Variants in IGFL2 observed in about 807,000 individuals in gnomAD.
The protein encoded by IGFL2 is IGF like family member 2.
In IGFL2, 7 loss-of-function variants were observed where a neutral mutation model predicts 13.9. That is an observed-to-expected ratio of 0.51 (90% confidence interval 0.29 to 0.95). The LOEUF is 0.95. Ranked by LOEUF, IGFL2 falls within the 40% of genes least tolerant of loss-of-function variation. IGFL2 has a pLI of 0.08. For synonymous variants in IGFL2, 55 were observed against 55.8 expected (o/e 0.99, Z 0.07); for missense variants, 138 against 147.8 (o/e 0.93, Z 0.34).
At chr19:46,113,329 A>T in the IGFL2 span, 3 of 302,512 alleles carry the variant, frequency 9.9e-6, no homozygotes, top group Non-Finnish European at 1.3e-5. Flanking sequence ...CATAGCCTGA[A>T]GTCAGACTGT....
downstream of IGFL2, among the ~76,000 whole-genome samples, chr19:46,165,232 C>G (rs556470330): frequency 1.3e-5 from 2 of 152,332 alleles, no homozygotes; most frequent in South Asian, 2.1e-4. Context: ...GAGGTTAGGG[C>G]GCAGCCTGTG....
the IGFL2 span, among the ~76,000 whole-genome samples, chr19:46,172,161 A>G: frequency 1.3e-5 from 2 of 152,194 alleles, no homozygotes; most frequent in Non-Finnish European, 2.9e-5. Context: ...CTGAATGGTT[A>G]TATAGTCTAA....
chr19:46,104,606 T>A, the IGFL2 span, among the ~76,000 whole-genome samples: 1 of 152,190 alleles, frequency 6.6e-6, no homozygotes, highest in Admixed American at 6.5e-5. Flanking sequence ...AGAGGTATTT[T>A]AGTTGCCTGA....
At chr19:46,124,915 T>C in the IGFL2 span, among the ~76,000 whole-genome samples, 1 of 150,666 alleles carries the variant, frequency 6.6e-6, no homozygotes, top group Non-Finnish European at 1.5e-5. Flanking sequence ...ATTCTCCATA[T>C]ACTATTGCAG....
At chr19:46,097,626 C>G in the IGFL2 span, among the ~76,000 whole-genome samples, 1 of 152,168 alleles carries the variant, frequency 6.6e-6, no homozygotes, top group Admixed American at 6.5e-5. Context: ...AGCTTTCTAG[C>G]TTTCTGATGT....
the IGFL2 span, among the ~76,000 whole-genome samples, chr19:46,115,231 TC>T: frequency 6.6e-6 from 1 of 152,124 alleles, no homozygotes; most frequent in African/African-American, 2.4e-5. Flanking sequence ...CTCATGACAT[TC>T]CCCACACTCA....
At chr19:46,131,634 T>C in the IGFL2 span, among the ~76,000 whole-genome samples, 5 of 152,292 alleles carry the variant, frequency 3.3e-5, no homozygotes, top group East Asian at 9.6e-4. Flanking sequence ...TATGACTGAT[T>C]TTCAGTGTGA....
upstream of IGFL2, chr19:46,148,045 G>A (rs1568423128): frequency 4.2e-6 from 2 of 477,800 alleles, no homozygotes; most frequent in Non-Finnish European, 7.4e-6. Flanking sequence ...CTGAGATTTC[G>A]AGAGGTCTGA....
chr19:46,201,639 C>T, the IGFL2 span, among the ~76,000 whole-genome samples: 2 of 151,990 alleles, frequency 1.3e-5, no homozygotes, highest in Non-Finnish European at 2.9e-5. Context: ...TGCAGCACGT[C>T]GGGGTAAGGA....
chr19:46,095,134 A>G, the IGFL2 span, among the ~76,000 whole-genome samples: 1 of 152,238 alleles, frequency 6.6e-6, no homozygotes, highest in Non-Finnish European at 1.5e-5. Context: ...ACTAATTTAC[A>G]TTCCCACCAA....
the IGFL2 span, among the ~76,000 whole-genome samples, chr19:46,191,374 G>A: frequency 6.6e-6 from 1 of 152,132 alleles, no homozygotes; most frequent in East Asian, 1.9e-4. Context: ...TCCCAGGGCG[G>A]GGTGAGGGTC....
intron 1 of IGFL2, 99 bp from the exon 2 acceptor site, chr19:46,160,316 C>G (rs1265891697): frequency 9.8e-7 from 1 of 1,020,978 alleles, no homozygotes; most frequent in Admixed American, 2.0e-5. Context: ...TAGAGCTAAT[C>G]TGGAACTAAG....
chr19:46,187,883 C>G, the IGFL2 span, among the ~76,000 whole-genome samples: 3,456 of 145,786 alleles, frequency 0.024, 129 homozygotes, highest in African/African-American at 0.085. Flanking sequence ...GGTTGTGCTG[C>G]TGGTGTGTGC....
the IGFL2 span, among the ~76,000 whole-genome samples, chr19:46,082,204 T>G: frequency 5.3e-5 from 8 of 152,232 alleles, no homozygotes; most frequent in African/African-American, 1.9e-4. Context: ...ACTTTCCTTT[T>G]CTGTTTCCCC....
At chr19:46,172,118 C>T in the IGFL2 span, among the ~76,000 whole-genome samples, 1 of 152,144 alleles carries the variant, frequency 6.6e-6, no homozygotes, top group Non-Finnish European at 1.5e-5. Context: ...GAGATACGGA[C>T]TTTGGAAGTG....
At chr19:46,131,194 C>T in the IGFL2 span, among the ~76,000 whole-genome samples, 4 of 152,116 alleles carry the variant, frequency 2.6e-5, no homozygotes, top group African/African-American at 4.8e-5. Flanking sequence ...TACAATGTTA[C>T]TTTTCTTATA....
At chr19:46,126,463 A>C in the IGFL2 span, among the ~76,000 whole-genome samples, 2 of 151,766 alleles carry the variant, frequency 1.3e-5, no homozygotes, top group Admixed American at 6.6e-5. Flanking sequence ...GATTTTGACA[A>C]CTCCTTCTGC....
the IGFL2 span, chr19:46,190,337 A>G: frequency 6.6e-6 from 1 of 152,244 alleles, no homozygotes; most frequent in Non-Finnish European, 1.5e-5. Context: ...CAGCTGGGAC[A>G]TCAGGGCTCT....
At chr19:46,150,400 C>G (rs1973412741) in intron 1 of IGFL2, among the ~76,000 whole-genome samples, 2 of 152,104 alleles carry the variant, frequency 1.3e-5, no homozygotes, top group African/African-American at 4.8e-5. Flanking sequence ...TTTCTTTTCT[C>G]TCTTGTGCTT....
Sources: allele counts gnomAD v4.1 joint callset (sites outside exome capture counted in the v4.1 genomes callset), GRCh38; gene constraint gnomAD v4.1.1; transcripts MANE v1.5; gene names NCBI Gene and HGNC (gene_info 2026-07-23, HGNC 2026-07-21).